The following SPTBN4 variants were observed in gnomAD, a reference collection of about 807,000 sequenced individuals.
SPTBN4 encodes the protein spectrin beta chain, non-erythrocytic 4.
In SPTBN4, 96 loss-of-function variants were observed where a neutral mutation model predicts 277.8. The observed-to-expected ratio is 0.35, with a 90% CI of 0.29 to 0.41. The LOEUF (loss-of-function observed/expected upper bound fraction) is 0.41. Among genes scored for constraint, SPTBN4 ranks in the 10% least tolerant of loss-of-function variants. SPTBN4 has a pLI of 1.00. For synonymous variants in SPTBN4, 1,481 were observed against 1,580.3 expected (o/e 0.94, Z 1.49); for missense variants, 3,006 against 3,595.7 (o/e 0.84, Z 4.19).
chr19:40,499,092 G>A (rs958195923), intron 7 of SPTBN4, among the ~76,000 whole-genome samples: 4 of 151,424 alleles, frequency 2.6e-5, no homozygotes, highest in Non-Finnish European at 5.9e-5. Flanking sequence ...CAGTGGGGGC[G>A]ATCCTAGCTC....
chr19:40,542,329 G>T (rs2080810929), intron 20 of SPTBN4, among the ~76,000 whole-genome samples: 1 of 152,030 alleles, frequency 6.6e-6, no homozygotes. Context: ...GCTGCAGCAG[G>T]CTCTCTGGGA....
At chr19:40,521,270 T>A (rs541798448) in intron 16 of SPTBN4, among the ~76,000 whole-genome samples, 9 of 152,262 alleles carry the variant, frequency 5.9e-5, no homozygotes, top group African/African-American at 2.2e-4. Flanking sequence ...TGGAAGACAA[T>A]TTTTTCCACA....
intron 20 of SPTBN4, among the ~76,000 whole-genome samples, chr19:40,542,246 T>C (rs2080809876): frequency 6.6e-6 from 1 of 152,208 alleles, no homozygotes; most frequent in Non-Finnish European, 1.5e-5. Context: ...ATTTGACTTC[T>C]CTGTCTCTGC....
intron 12 of SPTBN4, among the ~76,000 whole-genome samples, chr19:40,504,394 C>T (rs930225002): frequency 1.1e-4 from 17 of 152,100 alleles, no homozygotes; most frequent in South Asian, 2.1e-4. Flanking sequence ...ATGCTGGACA[C>T]GGTGGCTCAC....
intron 22 of SPTBN4, among the ~76,000 whole-genome samples, chr19:40,553,639 T>C (rs1379433896): frequency 6.6e-6 from 1 of 152,202 alleles, no homozygotes; most frequent in Non-Finnish European, 1.5e-5. Flanking sequence ...TAAGGTACTC[T>C]GCAAGTACAG....
rs2080890770 is a variant in SPTBN4 at position 40,549,290 on chromosome 19, T to C, written c.4461T>C (p.Gly1487=). The stretch of plus-strand genomic sequence containing the variant: ...AGCCGGCGAGCAAGGAGCTGGTGGG[T>C]GAGCGGCAGAACGCGGTGGGCGAGC... ...PLEPASKELV[G]ERQNAVGERL... The change falls in exon 21 of 36, where the codon GGT becomes GGC. Residue 1487 remains glycine, a synonymous_variant. Coordinates refer to ENST00000598249, the MANE Select transcript of SPTBN4 (RefSeq NM_020971.3). The C allele has an allele frequency of 6.5e-7, 1 of 1,543,572 alleles. No homozygotes were observed. The highest frequency in any genetic ancestry group is 8.7e-7 in the Non-Finnish European group (1 of 1,146,294).
intron 7 of SPTBN4, among the ~76,000 whole-genome samples, chr19:40,500,301 A>C (rs1039142695): frequency 1.3e-5 from 2 of 152,208 alleles, no homozygotes; most frequent in East Asian, 3.8e-4. Flanking sequence ...GGCAGGAACC[A>C]TGATAATCTT....
Position 40,549,306 on chromosome 19 carries a change from G to C in SPTBN4, c.4477G>C (p.Val1493Leu). The part of the protein sequence containing the change: ...KELVGERQNA[V>L]GERLVRLLEP... Reference sequence around the variant, plus strand: ...GCTGGTGGGTGAGCGGCAGAACGCGGTGGGCGAGCGCCTGGTGCGCCTGCT... The same window carrying C: ...GCTGGTGGGTGAGCGGCAGAACGCGCTGGGCGAGCGCCTGGTGCGCCTGCT... The change falls in exon 21 of 36, where the codon GTG (valine) becomes CTG (leucine). Residue 1493 changes from valine to leucine, a missense_variant. Val to Leu is a conservative substitution (Grantham distance 32). Transcript: ENST00000598249. 6.5e-7 allele frequency: 1 copy of C among 1,541,156 alleles called. No homozygotes were observed. The highest frequency in any genetic ancestry group is 8.7e-7 in the Non-Finnish European group (1 of 1,145,930).
At chr19:40,566,850 A>G (rs531054448) in intron 30 of SPTBN4, among the ~76,000 whole-genome samples, 8 of 152,074 alleles carry the variant, frequency 5.3e-5, no homozygotes, top group Middle Eastern at 3.4e-3. Context: ...CTGTAATCCC[A>G]GCTACTCGGG....
At chr19:40,474,076 T>C (rs1406205511) in intron 2 of SPTBN4, among the ~76,000 whole-genome samples, 1 of 140,738 alleles carries the variant, frequency 7.1e-6, no homozygotes, top group Non-Finnish European at 1.5e-5. Context: ...GGCCTGAGAC[T>C]GTGAGGTGGA....
chr19:40,504,216 G>T, intron 12 of SPTBN4, 84 bp downstream of exon 12: 1 of 1,407,032 alleles, frequency 7.1e-7, no homozygotes. Context: ...CAGACAGCTG[G>T]AGATGGAGAG....
Position 40,512,612 on chromosome 19 carries a change from A to G in SPTBN4, c.1823A>G (p.Gln608Arg). ...ALRFSQLQGYQPCDPQVICNR... is the reference protein window; with the variant it reads ...ALRFSQLQGYRPCDPQVICNR... ...TCCCCTTCTCCTGGCTCAGGCTACCAGCCCTGCGACCCGCAGGTCATCTGC... is the reference window on the plus strand; with the variant it reads ...TCCCCTTCTCCTGGCTCAGGCTACCGGCCCTGCGACCCGCAGGTCATCTGC... Residue 608 changes from glutamine to arginine, a missense_variant, in exon 14 of 36, where the codon CAG becomes CGG. Gln to Arg is a conservative substitution (Grantham distance 43, BLOSUM62 1). This residue lies in a region of SPTBN4 where 1,759 missense variants were observed against 2,061.5 expected (regional missense o/e 0.85). Coordinates refer to ENST00000598249, the MANE Select transcript of SPTBN4 (RefSeq NM_020971.3). 1 of 1,533,862 alleles carries G rather than the reference A, an allele frequency of 6.5e-7. No homozygotes were observed. The highest frequency in any genetic ancestry group is 2.5e-5 in the East Asian group (1 of 39,404).
intron 20 of SPTBN4, among the ~76,000 whole-genome samples, chr19:40,541,355 G>A (rs527719648): frequency 2.0e-5 from 3 of 152,300 alleles, no homozygotes; most frequent in Admixed American, 6.5e-5. Flanking sequence ...GCTCCAGCAC[G>A]AGACTCCTGG....
In SPTBN4 at chr19:40,564,049, AAAACAAAC is replaced by A. The variant is rs796822454; in HGVS notation, c.5916-1358_5916-1351del. 1.4e-4 allele frequency among the ~76,000 whole-genome samples: 21 copies of A among 152,054 alleles called. 1 individual carries two copies. In the East Asian group the frequency reaches 3.1e-3, roughly 22 times the overall value. On this transcript the variant is annotated intron_variant, in intron 27 of 35. Coordinates refer to ENST00000598249, the MANE Select transcript of SPTBN4 (RefSeq NM_020971.3). ...GCAAGAAGAGCAAATCTCTGTCTCA[AAAACAAAC>A]AAACAAACAAACAAAGGCTGGGTGC...
chr19:40,559,827 A>G (rs767991513), intron 26 of SPTBN4, among the ~76,000 whole-genome samples: 11 of 152,326 alleles, frequency 7.2e-5, no homozygotes, highest in Middle Eastern at 3.4e-3. Context: ...AGCACATCTA[A>G]AAGACATCAA....
At chr19:40,497,958 G>A (rs1424746260) in intron 7 of SPTBN4, among the ~76,000 whole-genome samples, 1 of 136,364 alleles carries the variant, frequency 7.3e-6, no homozygotes, top group Non-Finnish European at 1.6e-5. Context: ...CCCTACCCCA[G>A]CCCCAAACCC....
intron 35 of SPTBN4, 26 bp downstream of exon 35, chr19:40,572,406 T>C: frequency 1.9e-6 from 3 of 1,614,034 alleles, no homozygotes; most frequent in Non-Finnish European, 2.5e-6. Flanking sequence ...TTCCTCCCTC[T>C]GTGTGGACCT....
At position 40,575,445 on chromosome 19, in the gene SPTBN4, C is replaced by T. The variant is rs763840430; in HGVS notation, c.7571C>T (p.Ser2524Phe). 4.3e-6 allele frequency: 7 copies of T among 1,613,378 alleles called. No homozygotes were observed. The East Asian group carries it at 1.1e-4, about 26-fold the overall frequency. ...AACGGCTGGCTGGAGGCTGTAGCTT[C>T]CTCGGTGGCGGAACACGCAGAGATC... ...EMNGWLEAVA[S>F]SVAEHAEIAR... Residue 2524 changes from serine to phenylalanine, a missense_variant, in exon 36 of 36, where the codon TCC (serine) becomes TTC (phenylalanine). By Grantham distance (155) the Ser-to-Phe change is radical. Around this residue, in one of 5 missense-constraint regions of SPTBN4, gnomAD observed 630 missense variants for 677.6 expected, o/e 0.93. Transcript: ENST00000598249.
rs2145864767 is a variant in SPTBN4, at chr19:40,512,835, G to A, written c.2046G>A (p.Ala682=). 3 of 1,455,458 alleles carry A rather than the reference G, an allele frequency of 2.1e-6. No individual in the cohort carries two copies. The highest frequency in any genetic ancestry group is 1.4e-5 in the South Asian group (1 of 72,368). 90.2% of individuals were successfully genotyped at this position (1,455,458 alleles called of 1,614,324 possible). Residue 682 remains alanine (A), a synonymous_variant, in exon 14 of 36, where the codon GCG becomes GCA. Coordinates refer to ENST00000598249, the MANE Select transcript of SPTBN4 (RefSeq NM_020971.3). ...GTGCGGCGGGCGCAGCGGGCGCAGC[G>A]GGAACAGCGGGCGGCGCGCATGACC... The part of the protein sequence containing the change: ...GGGAAGAAGA[A]GTAGGAHDLS...
Sources: allele counts gnomAD v4.1 joint callset (sites outside exome capture counted in the v4.1 genomes callset), GRCh38; gene constraint gnomAD v4.1.1; regional missense constraint gnomAD v4.1.1; transcripts MANE v1.5; gene names NCBI Gene and HGNC (gene_info 2026-07-23, HGNC 2026-07-21).